Variants in IP6K3 observed in about 807,000 individuals in gnomAD.
IP6K3 encodes the protein ATP:1D-myo-inositol-hexakisphosphate phosphotransferase.
A neutral mutation model predicts 28.8 loss-of-function variants in IP6K3; 20 were observed. The observed-to-expected ratio is 0.70, with a 90% confidence interval of 0.49 to 1.01. The LOEUF (loss-of-function observed/expected upper bound fraction) is 1.01. IP6K3 is among the 50% of genes least tolerant of loss of function. The pLI is 0.00. For synonymous variants in IP6K3, 213 were observed against 221.3 expected (o/e 0.96, Z 0.33); for missense variants, 480 against 537.1 (o/e 0.89, Z 1.05).
chr6:33,738,297 C>T (rs989770028), intron 1 of IP6K3, among the ~76,000 whole-genome samples: 1 of 152,124 alleles, frequency 6.6e-6, no homozygotes, highest in Non-Finnish European at 1.5e-5. Context: ...CTGGCCTCAG[C>T]GGATGCCAGC....
rs550450289 is a variant in IP6K3, at chr6:33,722,504, A to G, written c.*216T>C. 5.6e-5 allele frequency: 24 copies of G among 427,276 alleles called. No homozygotes were observed. The highest frequency in any genetic ancestry group is 4.8e-4 in the African/African-American group (24 of 50,490). The allele number at this position is 427,276 out of a possible 1,614,324, so 26.5% of individuals were successfully genotyped here. A position where few individuals can be genotyped will look rare whatever the true frequency, so the allele number is the denominator to read the frequency against. ...TATCCTGGCTGTCTGTTCTCCGATG[A>G]GCAGCATTAGAGCATAATGCCAGGG... On this transcript the variant is annotated 3_prime_UTR_variant, in exon 6 of 6. Coordinates refer to ENST00000293756, the MANE Select transcript of IP6K3 (RefSeq NM_054111.5).
chr6:33,723,163 A>G lies in IP6K3; in HGVS notation c.790T>C (p.Phe264Leu). The stretch of plus-strand genomic sequence containing the variant: ...CCATAGTACTTGTCTTTGCAGAGAA[A>G]GTACTTCTTATCTGTTTGATAAACC... ...MQVYQTDKKY[F>L]LCKDKYYGRK... Residue 264 changes from phenylalanine to leucine, a missense_variant, in exon 6 of 6, where the codon TTT (phenylalanine) becomes CTT (leucine). Phe to Leu is a conservative substitution (Grantham distance 22). Transcript: ENST00000293756. 2 of 1,592,426 alleles carry G rather than the reference A, an allele frequency of 1.3e-6. No individual in the cohort carries two copies. Among genetic ancestry groups the G allele is most frequent in the South Asian group, 1.1e-5 (1 of 87,852 alleles).
chr6:33,756,056 G>A, the IP6K3 span, among the ~76,000 whole-genome samples: 1 of 152,118 alleles, frequency 6.6e-6, no homozygotes, highest in Non-Finnish European at 1.5e-5. Flanking sequence ...TAGAGACAGG[G>A]TTTTGCCATG....
At chr6:33,733,436 A>T (rs562040276) in intron 2 of IP6K3, among the ~76,000 whole-genome samples, 1 of 152,226 alleles carries the variant, frequency 6.6e-6, no homozygotes, top group African/African-American at 2.4e-5. Flanking sequence ...GGAGGGGATG[A>T]GGACAGCCTC....
chr6:33,743,695 G>A (rs1398474867), intron 1 of IP6K3, among the ~76,000 whole-genome samples: 1 of 152,032 alleles, frequency 6.6e-6, no homozygotes, highest in Non-Finnish European at 1.5e-5. Flanking sequence ...CCTAGTGCTG[G>A]GGGACTTCAC....
rs757292142 is a variant in IP6K3, at chr6:33,735,313, G to A, written c.164C>T (p.Pro55Leu). ...TGGGGTGAACCGCTTCATGGCCAGC[G>A]GCAGGGATTCATAGAACCTCTGCTC... ...SREQRFYESL[P>L]LAMKRFTPQY... The change falls in exon 2 of 6, where the codon CCG (proline) becomes CTG (leucine). Residue 55 changes from proline (P) to leucine (L), a missense_variant. By Grantham distance (98) the Pro-to-Leu change is moderately conservative. Coordinates refer to ENST00000293756, the MANE Select transcript of IP6K3 (RefSeq NM_054111.5). 2.8e-5 allele frequency: 45 copies of A among 1,610,926 alleles called. No homozygotes were observed. Among genetic ancestry groups the A allele is most frequent in the Admixed American group, 2.3e-4 (14 of 59,624 alleles).
intron 2 of IP6K3, among the ~76,000 whole-genome samples, chr6:33,730,868 G>A (rs1766296917): frequency 6.6e-6 from 1 of 152,188 alleles, no homozygotes; most frequent in Admixed American, 6.5e-5. Flanking sequence ...TTGCATTAGG[G>A]ACATTCCTGC....
chr6:33,757,965 C>T, the IP6K3 span, among the ~76,000 whole-genome samples: 1 of 152,166 alleles, frequency 6.6e-6, no homozygotes, highest in African/African-American at 2.4e-5. Context: ...TCAGATAATG[C>T]CCTCCACCAA....
In IP6K3 at chr6:33,722,783, A is replaced by C. The variant is rs1386386001; in HGVS notation, c.1170T>G (p.Pro390=). The change falls in exon 6 of 6, where the codon CCT becomes CCG. Residue 390 remains proline, a synonymous_variant. Transcript: ENST00000293756. Reference sequence around the variant, plus strand: ...GGTTTTCCAGGCCAAAAATATAGCCAGGGTCTGGTCCATCGTAGGTGGTGT... The same window carrying C: ...GGTTTTCCAGGCCAAAAATATAGCCCGGGTCTGGTCCATCGTAGGTGGTGT... ...NEHTTYDGPD[P]GYIFGLENLI... 1 of 1,614,020 alleles carries C rather than the reference A, an allele frequency of 6.2e-7. No individual in the cohort carries two copies. The highest frequency in any genetic ancestry group is 8.5e-7 in the Non-Finnish European group (1 of 1,179,978).
chr6:33,730,020 C>T (rs1387807830), intron 2 of IP6K3, among the ~76,000 whole-genome samples: 2 of 152,152 alleles, frequency 1.3e-5, no homozygotes, highest in Non-Finnish European at 2.9e-5. Context: ...CCAAACAGTT[C>T]CTTTTTAAGG....
rs767577451 is a variant in IP6K3, at chr6:33,725,449, C to T, written c.757G>A (p.Gly253Ser). Residue 253 changes from glycine (G) to serine (S), a missense_variant, in exon 5 of 6, where the codon GGC becomes AGC. Coordinates refer to ENST00000293756, the MANE Select transcript of IP6K3 (RefSeq NM_054111.5). ...GGTCCCCTGCGACCTACCTGCATGC[C>T]GCAGATGCGCACACCCAGGCAGGCT... ...TSACLGVRIC[G>S]MQVYQTDKKY... is the part of the protein sequence containing the mutation. 1.6e-5 allele frequency: 25 copies of T among 1,609,732 alleles called. No individual in the cohort carries two copies. Among genetic ancestry groups the T allele is most frequent in the East Asian group, 4.5e-5 (2 of 44,876 alleles).
intron 3 of IP6K3, among the ~76,000 whole-genome samples, chr6:33,727,116 C>CA (rs768954606): frequency 6.6e-6 from 1 of 152,220 alleles, no homozygotes; most frequent in South Asian, 2.1e-4. Flanking sequence ...GGGGCTTCTC[C>CA]AAACCCTGGA....
In IP6K3 at chr6:33,723,033, C is replaced by T. The variant is rs371307963; in HGVS notation, c.920G>A (p.Arg307Gln). Residue 307 changes from arginine to glutamine, a missense_variant, in exon 6 of 6, where the codon CGG (arginine) becomes CAG (glutamine). By Grantham distance (43) the Arg-to-Gln change is conservative. Transcript: ENST00000293756. The stretch of plus-strand genomic sequence containing the variant: ...GCTCCTAATGACAGAGAGGAGGGCC[C>T]GGAGCTGGTGCAGGATGGGCTCCAG... ...ELLEPILHQL[R>Q]ALLSVIRSQS... 8.7e-6 allele frequency: 14 copies of T among 1,613,948 alleles called. No individual in the cohort carries two copies. Among genetic ancestry groups the T allele is most frequent in the East Asian group, 2.2e-5 (1 of 44,892 alleles).
chr6:33,760,529 GTTTGT>G, the IP6K3 span, among the ~76,000 whole-genome samples: 2 of 152,146 alleles, frequency 1.3e-5, no homozygotes, highest in Admixed American at 6.5e-5. Context: ...TCCTTCTCCT[GTTTGT>G]TTTGTTTTGT....
chr6:33,748,805 A>G (rs1430073778), upstream of IP6K3, among the ~76,000 whole-genome samples: 3 of 151,928 alleles, frequency 2.0e-5, no homozygotes, highest in African/African-American at 7.3e-5. Flanking sequence ...GAAGAGCCCC[A>G]CAGAAATAAC....
chr6:33,761,089 A>G, the IP6K3 span, among the ~76,000 whole-genome samples: 1 of 151,872 alleles, frequency 6.6e-6, no homozygotes, highest in African/African-American at 2.4e-5. Flanking sequence ...GGGAGGTTTT[A>G]TTTGTTTTGG....
chr6:33,733,693 G>A (rs1344029342), intron 2 of IP6K3, among the ~76,000 whole-genome samples: 6 of 152,230 alleles, frequency 3.9e-5, no homozygotes, highest in Non-Finnish European at 7.3e-5. Flanking sequence ...CCTGCGGGCC[G>A]GGAAGACCCC....
At chr6:33,748,614 G>C (rs899965483), upstream of IP6K3, among the ~76,000 whole-genome samples, 7 of 139,640 alleles carry the variant, frequency 5.0e-5, no homozygotes, top group African/African-American at 1.9e-4. Flanking sequence ...CTGCGCTCCA[G>C]CTGGGCGACA....
At chr6:33,758,117 AAGGAACAAC>A in the IP6K3 span, among the ~76,000 whole-genome samples, 1 of 152,292 alleles carries the variant, frequency 6.6e-6, no homozygotes, top group African/African-American at 2.4e-5. Context: ...GGTGCCGCCA[AAGGAACAAC>A]AGACTGATCA....
Sources: allele counts gnomAD v4.1 joint callset (sites outside exome capture counted in the v4.1 genomes callset), GRCh38; gene constraint gnomAD v4.1.1; transcripts MANE v1.5; gene names NCBI Gene and HGNC (gene_info 2026-07-23, HGNC 2026-07-21).